The following ASIC2 variants were observed in gnomAD, a reference collection of about 807,000 sequenced individuals.
ASIC2 encodes acid-sensing ion channel 2.
In ASIC2, 25 loss-of-function variants were observed where a neutral mutation model predicts 57.3. The ratio of observed to expected loss-of-function variants is 0.44; its 90% confidence interval spans 0.32 to 0.61. The LOEUF is 0.61. Among genes scored for constraint, ASIC2 ranks in the 20% least tolerant of loss-of-function variants. The pLI is 0.06. For synonymous variants in ASIC2, 319 were observed against 307.5 expected, an observed-to-expected ratio of 1.04 and a Z score of -0.39; for missense variants, 641 against 738.1, an observed-to-expected ratio of 0.87 and a Z score of 1.52.
chr17:33,405,808 C>G (rs1397464206), intron 1 of ASIC2, among the ~76,000 whole-genome samples: 2 of 152,076 alleles, frequency 1.3e-5, no homozygotes, highest in Admixed American at 1.3e-4. Flanking sequence ...CATATGTAAA[C>G]TAACCAGTTC....
intron 1 of ASIC2, among the ~76,000 whole-genome samples, chr17:33,381,326 G>C (rs1303618266): frequency 6.6e-6 from 1 of 152,236 alleles, no homozygotes; most frequent in African/African-American, 2.4e-5. Flanking sequence ...CCTGGGCTGA[G>C]GCACCAAGAG....
At chr17:33,352,819 G>A (rs1307598068) in intron 1 of ASIC2, among the ~76,000 whole-genome samples, 2 of 152,066 alleles carry the variant, frequency 1.3e-5, no homozygotes, top group African/African-American at 2.4e-5. Context: ...CTCTTCGGCT[G>A]TTAGAGTTTC....
intron 1 of ASIC2, among the ~76,000 whole-genome samples, chr17:33,952,839 G>A (rs992558591): frequency 1.6e-4 from 24 of 152,270 alleles, no homozygotes; most frequent in East Asian, 1.5e-3. Flanking sequence ...CCATCAAAAA[G>A]TGATGTCAGA....
At chr17:33,504,782 G>A (rs1021792133) in intron 1 of ASIC2, among the ~76,000 whole-genome samples, 10 of 152,206 alleles carry the variant, frequency 6.6e-5, no homozygotes, top group African/African-American at 2.4e-4. Flanking sequence ...TCCTGTCCCT[G>A]TGATTGATTC....
At chr17:33,398,731 G>A (rs1167169966) in intron 1 of ASIC2, among the ~76,000 whole-genome samples, 1 of 152,164 alleles carries the variant, frequency 6.6e-6, no homozygotes, top group Admixed American at 6.5e-5. Context: ...ATCCTTCAGA[G>A]CTAGCAGCAG....
At chr17:33,693,821 C>T (rs1167830099) in intron 1 of ASIC2, among the ~76,000 whole-genome samples, 1 of 152,096 alleles carries the variant, frequency 6.6e-6, no homozygotes, top group African/African-American at 2.4e-5. Flanking sequence ...AGTACACATG[C>T]CTGGTGGAGA....
chr17:33,344,680 G>A (rs981302839), intron 1 of ASIC2, among the ~76,000 whole-genome samples: 14 of 152,216 alleles, frequency 9.2e-5, no homozygotes, highest in African/African-American at 3.1e-4. Context: ...CTTGTTTATA[G>A]TAGATCTCTC....
chr17:33,894,094 T>G (rs892224336), intron 1 of ASIC2, among the ~76,000 whole-genome samples: 2 of 152,258 alleles, frequency 1.3e-5, no homozygotes, highest in Non-Finnish European at 2.9e-5. Context: ...GTGCTACTTT[T>G]ATTTTTGCTG....
chr17:34,084,654 T>C (rs930945317), intron 1 of ASIC2, among the ~76,000 whole-genome samples: 3 of 151,980 alleles, frequency 2.0e-5, no homozygotes, highest in Non-Finnish European at 3.0e-5. Context: ...TTTCACGATA[T>C]TGATTCTTCC....
intron 3 of ASIC2, among the ~76,000 whole-genome samples, chr17:33,081,053 G>T (rs1442721802): frequency 6.6e-6 from 1 of 152,158 alleles, no homozygotes; most frequent in Non-Finnish European, 1.5e-5. Context: ...GTAAAATAAA[G>T]AATAATTTTA....
intron 3 of ASIC2, among the ~76,000 whole-genome samples, chr17:33,058,045 A>T (rs947067969): frequency 2.0e-5 from 3 of 146,966 alleles, no homozygotes; most frequent in South Asian, 2.1e-4. Context: ...ACTACATATT[A>T]AAAAAAAAGG....
intron 1 of ASIC2, among the ~76,000 whole-genome samples, chr17:33,897,589 A>G (rs564567123): frequency 6.6e-6 from 1 of 152,378 alleles, no homozygotes; most frequent in East Asian, 1.9e-4. Context: ...TGCAAAAGCC[A>G]TGGCGGCACA....
chr17:34,099,113 AGAGAGAGAGAGAGAGAG>A (rs1910660368), intron 1 of ASIC2, among the ~76,000 whole-genome samples: 34 of 36,064 alleles, frequency 9.4e-4, no homozygotes, highest in Non-Finnish European at 1.5e-3. Context: ...AGAGAGAGAG[AGAGAGAGAGAGAGAGAG>A]AGAGAGAGAG....
At chr17:33,709,359 T>C (rs1908957641) in intron 1 of ASIC2, among the ~76,000 whole-genome samples, 3 of 152,230 alleles carry the variant, frequency 2.0e-5, no homozygotes, top group Admixed American at 6.5e-5. Context: ...ACTTTTCAGA[T>C]GTGTTAAAAA....
chr17:33,446,488 G>T lies in ASIC2; in HGVS notation c.556-334421C>A, dbSNP rs1025695369. Among the ~76,000 whole-genome samples the T allele has an allele frequency of 2.6e-5, 4 of 152,184 alleles. No individual in the cohort carries two copies. In the East Asian group the frequency reaches 7.7e-4, roughly 29 times the overall value. The stretch of plus-strand genomic sequence containing the variant: ...GCCGGCTGAAATCAGAATGTTCAAC[G>T]TGGATTATCAACTACCACGCTGAAA... On this transcript the variant is annotated intron_variant, in intron 1 of 9. Coordinates refer to the ASIC2 transcript ENST00000359872.
intron 1 of ASIC2, among the ~76,000 whole-genome samples, chr17:33,264,407 T>G (rs1444578651): frequency 6.6e-6 from 1 of 152,224 alleles, no homozygotes; most frequent in Non-Finnish European, 1.5e-5. Context: ...ATGACTATTC[T>G]CATTTTACAG....
intron 1 of ASIC2, among the ~76,000 whole-genome samples, chr17:33,945,262 G>C (rs144545656): frequency 1.3e-5 from 2 of 151,868 alleles, no homozygotes; most frequent in Non-Finnish European, 2.9e-5. Flanking sequence ...AGTGACATGG[G>C]TAACACATTC....
At chr17:33,947,188 A>G (rs1904405616) in intron 1 of ASIC2, among the ~76,000 whole-genome samples, 1 of 152,188 alleles carries the variant, frequency 6.6e-6, no homozygotes, top group Non-Finnish European at 1.5e-5. Flanking sequence ...ATCAAAGGAA[A>G]ACTATTAGCA....
Position 33,025,814 on chromosome 17 carries a change from T to C in ASIC2, c.1195+112A>G, listed in dbSNP as rs1378765741. 1.0e-5 allele frequency: 11 copies of C among 1,064,962 alleles called. No homozygotes were observed. The East Asian group carries it at 2.8e-4, about 28-fold the overall frequency. 66.0% of individuals were successfully genotyped at this position (1,064,962 alleles called of 1,614,324 possible). On this transcript the variant is annotated intron_variant, in intron 5 of 9. Transcript: ENST00000225823. ...CACCCGACCAGCCCCTTTCTTCTCA[T>C]CCTCTCTCCATTCCTTCTTCCACTT...
Sources: allele counts gnomAD v4.1 joint callset (sites outside exome capture counted in the v4.1 genomes callset), GRCh38; gene constraint gnomAD v4.1.1; transcripts MANE v1.5; gene names NCBI Gene and HGNC (gene_info 2026-07-23, HGNC 2026-07-21).